Variants in MACROD2 observed in about 807,000 individuals in gnomAD.
MACROD2 encodes mono-ADP ribosylhydrolase 2.
Under a neutral mutation model 70.4 loss-of-function variants are expected in MACROD2, and 36 were observed. The observed-to-expected ratio is 0.51, with a 90% CI of 0.39 to 0.68. The LOEUF is 0.68. Among genes scored for constraint, MACROD2 ranks in the 30% least tolerant of loss-of-function variants. The pLI is 0.00. For missense variants in MACROD2, 496 were observed against 538.4 expected (o/e 0.92, Z 0.78); for synonymous variants, 172 against 178.8 (o/e 0.96, Z 0.30).
intron 5 of MACROD2, among the ~76,000 whole-genome samples, chr20:15,017,882 G>A (rs2075133817): frequency 6.6e-6 from 1 of 152,182 alleles, no homozygotes; most frequent in Non-Finnish European, 1.5e-5. Context: ...CACAGCATGG[G>A]GACCCTGGAC....
intron 6 of MACROD2, among the ~76,000 whole-genome samples, chr20:15,417,923 C>T (rs2046177554): frequency 6.6e-6 from 1 of 152,188 alleles, no homozygotes; most frequent in Non-Finnish European, 1.5e-5. Context: ...ACTGTGGATG[C>T]TGAAAAAGAA....
chr20:14,776,451 A>G (rs1478983224), intron 5 of MACROD2, among the ~76,000 whole-genome samples: 1 of 152,054 alleles, frequency 6.6e-6, no homozygotes, highest in Non-Finnish European at 1.5e-5. Context: ...TGCCTGATAC[A>G]CAATAATGAC....
intron 8 of MACROD2, among the ~76,000 whole-genome samples, chr20:15,641,783 G>A (rs2049463922): frequency 6.6e-6 from 1 of 152,082 alleles, no homozygotes; most frequent in Non-Finnish European, 1.5e-5. Context: ...TTTTTATACT[G>A]CAAGGGAGAT....
At chr20:14,400,737 A>G (rs1190512400) in intron 3 of MACROD2, among the ~76,000 whole-genome samples, 1 of 152,036 alleles carries the variant, frequency 6.6e-6, no homozygotes, top group Non-Finnish European at 1.5e-5. Context: ...CTAATGTCCT[A>G]TGTCTTGTAA....
chr20:15,277,234 T>A (rs1463824145), intron 6 of MACROD2, among the ~76,000 whole-genome samples: 1 of 152,212 alleles, frequency 6.6e-6, no homozygotes, highest in Non-Finnish European at 1.5e-5. Context: ...TTTCTTCCTA[T>A]ATGATTCATT....
intron 3 of MACROD2, among the ~76,000 whole-genome samples, chr20:14,194,920 TACCAAATCTA>T (rs2081417401): frequency 6.6e-6 from 1 of 152,168 alleles, no homozygotes; most frequent in Non-Finnish European, 1.5e-5. Context: ...GAGAGAATAT[TACCAAATCTA>T]ACCTGCTTAT....
At chr20:14,668,081 G>T (rs1367865289) in intron 4 of MACROD2, among the ~76,000 whole-genome samples, 1 of 151,900 alleles carries the variant, frequency 6.6e-6, no homozygotes, top group East Asian at 1.9e-4. Flanking sequence ...TTGACCTCAG[G>T]AGTTTGAGGC....
Position 14,810,484 on chromosome 20 carries a change from T to C in MACROD2, c.418+125525T>C, listed in dbSNP as rs201513112. On this transcript the variant is annotated intron_variant, in intron 5 of 17. Coordinates refer to ENST00000684519, the MANE Select transcript of MACROD2 (RefSeq NM_001351661.2). Reference sequence around the variant, plus strand: ...TATGAAAAACCCACAGCCAATATCATACTGAATGAACAAAAGCTGGAAGCA... The same window carrying C: ...TATGAAAAACCCACAGCCAATATCACACTGAATGAACAAAAGCTGGAAGCA... 3.8e-4 allele frequency among the ~76,000 whole-genome samples: 58 copies of C among 152,208 alleles called. 2 individuals are homozygous for C. In the East Asian group the frequency reaches 0.011, roughly 29 times the overall value.
intron 5 of MACROD2, among the ~76,000 whole-genome samples, chr20:15,065,586 G>A (rs536812344): frequency 9.2e-5 from 14 of 151,410 alleles, no homozygotes; most frequent in South Asian, 4.2e-4. Context: ...CCTGGGAGGC[G>A]GAGCTTGCAG....
At chr20:14,285,848 G>T (rs1052307523) in intron 3 of MACROD2, among the ~76,000 whole-genome samples, 8 of 152,050 alleles carry the variant, frequency 5.3e-5, no homozygotes, top group Admixed American at 2.6e-4. Context: ...TGTGATTAGT[G>T]ACCTCTATGG....
At chr20:14,345,461 A>T (rs2083053768) in intron 3 of MACROD2, among the ~76,000 whole-genome samples, 1 of 152,048 alleles carries the variant, frequency 6.6e-6, no homozygotes, top group Admixed American at 6.6e-5. Context: ...ATTATAAGGA[A>T]CTTTTAAATC....
intron 8 of MACROD2, among the ~76,000 whole-genome samples, chr20:15,728,232 T>TA (rs2146945914): frequency 1.4e-5 from 1 of 70,262 alleles, no homozygotes; most frequent in Non-Finnish European, 5.0e-5. Context: ...GAACCAACCT[T>TA]GCATCCTAAG....
At chr20:15,115,609 A>G (rs781654351) in intron 5 of MACROD2, among the ~76,000 whole-genome samples, 1 of 152,186 alleles carries the variant, frequency 6.6e-6, no homozygotes, top group Non-Finnish European at 1.5e-5. Context: ...ATAGGATTTT[A>G]GAATCAGAAT....
rs80134187 is a variant in MACROD2, at chr20:15,355,662, C to T, written c.541-75743C>T. The stretch of plus-strand genomic sequence containing the variant: ...CTCTTTAATCATGTGGTTGGCCTTC[C>T]TGGTGACCAGTCCCCTGAAATAATC... On this transcript the variant is annotated intron_variant, in intron 6 of 17. Coordinates refer to ENST00000684519, the MANE Select transcript of MACROD2 (RefSeq NM_001351661.2). Among the ~76,000 whole-genome samples the T allele has an allele frequency of 1.1e-4, 16 of 152,266 alleles. No homozygotes were observed. The East Asian group carries it at 3.1e-3, about 29-fold the overall frequency.
chr20:15,029,838 A>G (rs1161628314), intron 5 of MACROD2, among the ~76,000 whole-genome samples: 2 of 152,144 alleles, frequency 1.3e-5, no homozygotes, highest in East Asian at 3.9e-4. Context: ...GTGATTACAT[A>G]AAGAGATGAA....
At chr20:14,538,274 C>A (rs1187046456) in intron 4 of MACROD2, among the ~76,000 whole-genome samples, 1 of 152,154 alleles carries the variant, frequency 6.6e-6, no homozygotes, top group East Asian at 1.9e-4. Flanking sequence ...AGGGCTAAAC[C>A]CAGCTCTTGG....
intron 5 of MACROD2, among the ~76,000 whole-genome samples, chr20:14,906,578 TG>T (rs1443289389): frequency 6.6e-6 from 1 of 152,176 alleles, no homozygotes; most frequent in Admixed American, 6.5e-5. Flanking sequence ...CTTCTCTTTT[TG>T]TGAATAGGAT....
chr20:14,143,093 A>G (rs1340807858), intron 3 of MACROD2, among the ~76,000 whole-genome samples: 1 of 152,194 alleles, frequency 6.6e-6, no homozygotes, highest in Admixed American at 6.5e-5. Flanking sequence ...GATGGTTATC[A>G]TCCTAGAAAA....
chr20:14,146,300 CAGAGCG>C (rs1378131906), intron 3 of MACROD2, among the ~76,000 whole-genome samples: 2 of 151,884 alleles, frequency 1.3e-5, no homozygotes, highest in Non-Finnish European at 2.9e-5. Flanking sequence ...GCCTGGGCGA[CAGAGCG>C]AGACCTCCGC....
Sources: gnomAD v4.1 joint callset for allele counts (sites outside exome capture counted in the v4.1 genomes callset) on GRCh38, gnomAD v4.1.1 for gene constraint, MANE v1.5 for transcripts, NCBI Gene and HGNC (gene_info 2026-07-23, HGNC 2026-07-21) for gene names.